PMS1: variants seen among roughly 807,000 people sequenced by gnomAD.
The protein encoded by PMS1 is PMS1 homolog 1, mismatch repair system component.
PMS1 carries 79 observed loss-of-function variants against 93.1 expected under a neutral mutation model. The ratio of observed to expected loss-of-function variants is 0.85; its 90% confidence interval spans 0.71 to 1.02. The LOEUF is 1.02. PMS1 is among the 50% of genes least tolerant of loss of function. PMS1 has a pLI of 0.00. For missense variants in PMS1, 1,064 were observed against 1,085.3 expected, an observed-to-expected ratio of 0.98 and a Z score of 0.28; for synonymous variants, 335 against 363.4, an observed-to-expected ratio of 0.92 and a Z score of 0.89.
chr2:189,853,178 C>G (rs1187451886), intron 7 of PMS1, among the ~76,000 whole-genome samples: 2 of 151,830 alleles, frequency 1.3e-5, no homozygotes, highest in Non-Finnish European at 2.9e-5. Context: ...CTCAGCCTCA[C>G]AAGTAGCTGG....
chr2:189,842,962 T>TTATATA (rs144425315), intron 5 of PMS1, among the ~76,000 whole-genome samples: 6 of 148,708 alleles, frequency 4.0e-5, no homozygotes, highest in African/African-American at 1.5e-4. Flanking sequence ...TACAAAGTAT[T>TTATATA]TATATATATA....
rs376752786 is a variant in PMS1, at chr2:189,837,373, C to T, written c.583-6591C>T. Reference sequence around the variant, plus strand: ...TGAACTCCGGACCTCAAGTGATCCTCCCACCTTAGCCTTGTGAATAAGTTT... The same window carrying T: ...TGAACTCCGGACCTCAAGTGATCCTTCCACCTTAGCCTTGTGAATAAGTTT... On this transcript the variant is annotated intron_variant, in intron 5 of 12. Coordinates refer to ENST00000441310, the MANE Select transcript of PMS1 (RefSeq NM_000534.5). 1.1e-3 allele frequency among the ~76,000 whole-genome samples: 160 copies of T among 152,234 alleles called. No individual in the cohort carries two copies. The Middle Eastern group carries it at 0.031, about 29-fold the overall frequency.
intron 5 of PMS1, among the ~76,000 whole-genome samples, chr2:189,820,674 A>C (rs2051770653): frequency 6.6e-6 from 1 of 152,164 alleles, no homozygotes; most frequent in African/African-American, 2.4e-5. Context: ...GTTTCAGAAC[A>C]GTTACAATAA....
intron 10 of PMS1, among the ~76,000 whole-genome samples, chr2:189,867,311 C>T (rs2056750886): frequency 1.3e-5 from 2 of 152,292 alleles, no homozygotes; most frequent in Admixed American, 1.3e-4. Context: ...CTTTGGCAAA[C>T]ATGCCAGACC....
At chr2:189,866,765 A>T (rs1048451171) in intron 10 of PMS1, among the ~76,000 whole-genome samples, 7 of 152,218 alleles carry the variant, frequency 4.6e-5, no homozygotes, top group African/African-American at 1.7e-4. Flanking sequence ...CTGAAATGTA[A>T]TGGTTAAATA....
intron 3 of PMS1, among the ~76,000 whole-genome samples, chr2:189,804,900 G>GT (rs1013327498): frequency 3.6e-4 from 54 of 150,220 alleles, no homozygotes; most frequent in Non-Finnish European, 5.5e-4. Context: ...CTTTTTTTTT[G>GT]TTTTTTTTCT....
intron 6 of PMS1, among the ~76,000 whole-genome samples, chr2:189,846,742 T>G (rs549280401): frequency 1.3e-5 from 2 of 152,350 alleles, no homozygotes; most frequent in East Asian, 3.9e-4. Flanking sequence ...TCTTGCACTT[T>G]CGCTTGTTGA....
intron 12 of PMS1, among the ~76,000 whole-genome samples, chr2:189,874,154 A>C (rs2057374729): frequency 6.6e-6 from 1 of 152,132 alleles, no homozygotes. Context: ...TGACTGTGGT[A>C]AACTCTATCA....
At chr2:189,834,221 CT>C (rs2053196215) in intron 5 of PMS1, among the ~76,000 whole-genome samples, 1 of 152,152 alleles carries the variant, frequency 6.6e-6, no homozygotes, top group Admixed American at 6.5e-5. Context: ...AAGACTGGTT[CT>C]TCGGAAAGAC....
At chr2:189,843,840 C>T in intron 5 of PMS1, 124 bp from the exon 6 acceptor site, 1 of 815,212 alleles carries the variant, frequency 1.2e-6, no homozygotes, top group Non-Finnish European at 2.1e-6. Flanking sequence ...TCATGAATCT[C>T]TTCTAAGTGA....
At chr2:189,839,322 A>G (rs185140831) in intron 5 of PMS1, among the ~76,000 whole-genome samples, 39 of 152,312 alleles carry the variant, frequency 2.6e-4, no homozygotes, top group East Asian at 9.6e-4. Context: ...TCATATTGCT[A>G]TAGTTTCAGT....
chr2:189,798,733 T>C (rs2049582906), intron 3 of PMS1, among the ~76,000 whole-genome samples: 1 of 151,630 alleles, frequency 6.6e-6, no homozygotes, highest in African/African-American at 2.4e-5. Context: ...TTTTTTTTTT[T>C]CTGTTTTAGA....
chr2:189,873,285 A>G (rs1263224356), intron 11 of PMS1, among the ~76,000 whole-genome samples: 2 of 152,230 alleles, frequency 1.3e-5, no homozygotes, highest in Non-Finnish European at 2.9e-5. Flanking sequence ...TAAATTATAT[A>G]AAGCACATGT....
intron 9 of PMS1, among the ~76,000 whole-genome samples, chr2:189,857,745 GAAGA>G (rs2055503782): frequency 6.6e-6 from 1 of 152,034 alleles, no homozygotes; most frequent in Non-Finnish European, 1.5e-5. Context: ...GGCTAGTAAG[GAAGA>G]TTCAGTTAAA....
chr2:189,812,264 G>C (rs1442810049), intron 4 of PMS1, among the ~76,000 whole-genome samples: 1 of 152,192 alleles, frequency 6.6e-6, no homozygotes, highest in Non-Finnish European at 1.5e-5. Flanking sequence ...TCACGCCACT[G>C]TACTCCAGCC....
chr2:189,838,594 C>T (rs1046597518), intron 5 of PMS1, among the ~76,000 whole-genome samples: 1 of 152,130 alleles, frequency 6.6e-6, no homozygotes, highest in African/African-American at 2.4e-5. Context: ...ATTCCCTCTC[C>T]ACATGGAGTC....
intron 11 of PMS1, 152 bp downstream of exon 11, chr2:189,868,081 A>T (rs2056817806): frequency 7.2e-6 from 5 of 695,232 alleles, no homozygotes; most frequent in Non-Finnish European, 1.3e-5. Flanking sequence ...TTTTCAAAAC[A>T]TCACCTCTGC....
intron 5 of PMS1, among the ~76,000 whole-genome samples, chr2:189,819,072 C>T (rs2051587230): frequency 6.6e-6 from 1 of 152,182 alleles, no homozygotes; most frequent in Non-Finnish European, 1.5e-5. Context: ...TTGTGAGTCT[C>T]CATTGTCTAT....
At chr2:189,876,831 C>G (rs1221536429) in intron 12 of PMS1, among the ~76,000 whole-genome samples, 2 of 140,714 alleles carry the variant, frequency 1.4e-5, no homozygotes. Context: ...AGGCTGGTCT[C>G]GAACTCCTGG....
Sources: allele counts gnomAD v4.1 joint callset (sites outside exome capture counted in the v4.1 genomes callset), GRCh38; gene constraint gnomAD v4.1.1; transcripts MANE v1.5; gene names NCBI Gene and HGNC (gene_info 2026-07-23, HGNC 2026-07-21).